Variants in RAPGEF1 observed in about 807,000 individuals in gnomAD.
The protein encoded by RAPGEF1 is Rap guanine nucleotide exchange factor 1, also known as CRK SH3-binding GNRP.
A neutral mutation model predicts 143.3 loss-of-function variants in RAPGEF1; 33 were observed. That is an observed-to-expected ratio of 0.23 (90% CI 0.17 to 0.31). The LOEUF (loss-of-function observed/expected upper bound fraction) is 0.31. RAPGEF1 is among the 10% of genes least tolerant of loss of function. RAPGEF1 has a pLI of 1.00. For synonymous variants in RAPGEF1, 629 were observed against 676.5 expected (o/e 0.93, Z 1.09); for missense variants, 1,199 against 1,645.4 (o/e 0.73, Z 4.69).
At chr9:131,695,971 A>C (rs62583095) in intron 1 of RAPGEF1, among the ~76,000 whole-genome samples, 34,970 of 152,156 alleles carry the variant, frequency 0.23, 4,622 homozygotes, top group Non-Finnish European at 0.3. Flanking sequence ...CACAAGCTGG[A>C]TAGTTCTGGC....
intron 1 of RAPGEF1, among the ~76,000 whole-genome samples, chr9:131,706,287 G>A (rs975291794): frequency 2.0e-5 from 3 of 151,692 alleles, no homozygotes; most frequent in African/African-American, 7.3e-5. Flanking sequence ...TTTGAAACAG[G>A]GGTTTTGCTC....
At chr9:131,653,233 T>C (rs562078742) in intron 1 of RAPGEF1, among the ~76,000 whole-genome samples, 7 of 152,340 alleles carry the variant, frequency 4.6e-5, no homozygotes, top group African/African-American at 1.7e-4. Context: ...ATGCTTCAAA[T>C]CATCTATAGG....
Position 131,584,602 on chromosome 9 carries a change from T to G in RAPGEF1, c.3234-6A>C. The G allele has an allele frequency of 6.2e-7, 1 of 1,613,882 alleles. No homozygotes were observed. The highest frequency in any genetic ancestry group is 8.5e-7 in the Non-Finnish European group (1 of 1,179,776). On this transcript the variant is annotated splice_polypyrimidine_tract_variant and splice_region_variant and intron_variant, in intron 22 of 26. Coordinates refer to ENST00000683357, the MANE Select transcript of RAPGEF1 (RefSeq NM_001377935.1). The surrounding 1 kb of genome is among the most constrained non-coding windows in gnomAD (Gnocchi z 6.8). ...ACATGATTATGGACCGGACCCTGCA[T>G]GGACCAAGGGAAAAAGAAACAGCTG...
chr9:131,722,416 C>T (rs1836330787), intron 1 of RAPGEF1, among the ~76,000 whole-genome samples: 1 of 152,216 alleles, frequency 6.6e-6, no homozygotes, highest in Non-Finnish European at 1.5e-5. Flanking sequence ...GTTGTCAACT[C>T]AGAGAGAGTA....
At chr9:131,627,261 T>A (rs916206960) in intron 9 of RAPGEF1, among the ~76,000 whole-genome samples, 26 of 147,568 alleles carry the variant, frequency 1.8e-4, no homozygotes, top group Admixed American at 1.3e-3. Flanking sequence ...GAGAATACTA[T>A]GTAAATGGTC....
At chr9:131,609,466 A>AGCCTCACCAAATCTGCAGAGTTCC (rs1957667340) in intron 12 of RAPGEF1, among the ~76,000 whole-genome samples, 1 of 152,134 alleles carries the variant, frequency 6.6e-6, no homozygotes, top group African/African-American at 2.4e-5. Flanking sequence ...TGCAGGGTAC[A>AGCCTCACCAAATCTGCAGAGTTCC]GCCTCACCAA....
At position 131,699,291 on chromosome 9, in the gene RAPGEF1, C is replaced by A. The variant is rs1215059535; in HGVS notation, c.61+40479G>T. Among the ~76,000 whole-genome samples the A allele has an allele frequency of 8.2e-5, 12 of 146,646 alleles. No individual in the cohort carries two copies. In the East Asian group the frequency reaches 2.2e-3, roughly 27 times the overall value. The stretch of plus-strand genomic sequence containing the variant: ...TGCAGTTTTGCTCTTGTTGCCCAGG[C>A]TGGAGTGCAATGGCGTGATCTTGGC... On this transcript the variant is annotated intron_variant, in intron 1 of 26. Coordinates refer to ENST00000683357, the MANE Select transcript of RAPGEF1 (RefSeq NM_001377935.1).
intron 16 of RAPGEF1, 129 bp downstream of exon 16, chr9:131,598,070 G>T: frequency 4.0e-6 from 3 of 742,466 alleles, no homozygotes; most frequent in South Asian, 3.4e-5. Flanking sequence ...GCTCACCAGG[G>T]GCATTGAAAG....
At position 131,628,513 on chromosome 9, in the gene RAPGEF1, C is replaced by G. The variant is rs759468670; in HGVS notation, c.1017+36G>C. On this transcript the variant is annotated intron_variant, in intron 8 of 26. Transcript: ENST00000683357. This position sits in a 1 kb window ranked among gnomAD's most constrained non-coding sequence, Gnocchi z 5.7. ...ACATCCCTGAGCCCCCCACCCCCTC[C>G]CTGCCTTCCCATGCAGGGAACAGGG... 6.2e-7 allele frequency: 1 copy of G among 1,602,498 alleles called. No homozygotes were observed. The highest frequency in any genetic ancestry group is 1.1e-5 in the South Asian group (1 of 90,698).
intron 22 of RAPGEF1, among the ~76,000 whole-genome samples, chr9:131,585,430 C>A (rs149741365): frequency 6.6e-6 from 1 of 152,208 alleles, no homozygotes; most frequent in Admixed American, 6.5e-5. Flanking sequence ...ACCCTCCTGC[C>A]TCGGCCTCCC....
intron 1 of RAPGEF1, among the ~76,000 whole-genome samples, chr9:131,653,127 C>T (rs1315169623): frequency 6.6e-6 from 1 of 152,168 alleles, no homozygotes; most frequent in African/African-American, 2.4e-5. Context: ...TCCTCAGGGG[C>T]TTGGTTCCAG....
chr9:131,651,920 T>A (rs746448005), intron 1 of RAPGEF1, among the ~76,000 whole-genome samples: 1 of 152,228 alleles, frequency 6.6e-6, no homozygotes, highest in Non-Finnish European at 1.5e-5. Context: ...GGTACTGTAC[T>A]GAGTACTGCA....
At chr9:131,688,401 A>G (rs1833522913) in intron 1 of RAPGEF1, among the ~76,000 whole-genome samples, 1 of 152,236 alleles carries the variant, frequency 6.6e-6, no homozygotes, top group South Asian at 2.1e-4. Context: ...TTCTTATCTC[A>G]GTGGATGTTA....
intron 1 of RAPGEF1, among the ~76,000 whole-genome samples, chr9:131,679,482 T>C (rs971500511): frequency 3.3e-5 from 5 of 152,260 alleles, no homozygotes; most frequent in Admixed American, 2.6e-4. Context: ...CCTAAAGTGA[T>C]CTGACTTGGC....
chr9:131,622,031 C>T lies in RAPGEF1; in HGVS notation c.1703-33G>A, dbSNP rs116292092. ...ACAAGGGAGAAAGCTGCAGCGAGGC[C>T]GGGGGAGGCCACATCAGGGAACCCC... is the stretch of plus-strand genomic sequence containing the variant. On this transcript the variant is annotated intron_variant, in intron 10 of 26. Coordinates refer to ENST00000683357, the MANE Select transcript of RAPGEF1 (RefSeq NM_001377935.1). The T allele has an allele frequency of 2.4e-3, 3,825 of 1,586,656 alleles. 51 individuals carry two copies. In the African/African-American group the frequency reaches 0.031, roughly 13 times the overall value.
At chr9:131,664,506 C>T (rs1264516579) in intron 1 of RAPGEF1, among the ~76,000 whole-genome samples, 2 of 152,096 alleles carry the variant, frequency 1.3e-5, no homozygotes, top group African/African-American at 4.8e-5. Flanking sequence ...CAAGCCAACA[C>T]CACCAGGTTC....
intron 1 of RAPGEF1, among the ~76,000 whole-genome samples, chr9:131,715,232 G>A (rs984654910): frequency 2.0e-5 from 3 of 152,178 alleles, no homozygotes; most frequent in African/African-American, 7.2e-5. Flanking sequence ...TAACATGCAC[G>A]AAGAATCACT....
intron 13 of RAPGEF1, among the ~76,000 whole-genome samples, chr9:131,604,512 G>A (rs4237111): frequency 0.79 from 119,747 of 152,254 alleles, 47,215 homozygotes; most frequent in Non-Finnish European, 0.8. Context: ...ACATGCAACC[G>A]AACAGACACT....
intron 9 of RAPGEF1, 27 bp from the exon 10 acceptor site, chr9:131,626,449 A>T: frequency 6.6e-7 from 1 of 1,518,836 alleles, no homozygotes; most frequent in Non-Finnish European, 8.8e-7. Context: ...GGAAAAAGAG[A>T]CCCGTTAGCC....
Sources: gnomAD v4.1 joint callset for allele counts (sites outside exome capture counted in the v4.1 genomes callset) on GRCh38, gnomAD v4.1.1 for gene constraint, Gnocchi (gnomAD v3.1) non-coding constraint, MANE v1.5 for transcripts, NCBI Gene and HGNC (gene_info 2026-07-23, HGNC 2026-07-21) for gene names.